Variants in ALG14 observed in about 807,000 individuals in gnomAD.
The protein encoded by ALG14 is ALG14 UDP-N-acetylglucosaminyltransferase subunit.
Under a neutral mutation model 22.8 loss-of-function variants are expected in ALG14, and 17 were observed. The ratio of observed to expected loss-of-function variants is 0.75; its 90% CI spans 0.51 to 1.12. The LOEUF (loss-of-function observed/expected upper bound fraction) is 1.12. Ranked by LOEUF, ALG14 falls within the 50% of genes most tolerant of loss-of-function variation. ALG14 has a pLI of 0.00. For missense variants in ALG14, 288 were observed against 271.8 expected, an observed-to-expected ratio of 1.06 and a Z score of -0.42; for synonymous variants, 89 against 103.7, an observed-to-expected ratio of 0.86 and a Z score of 0.86.
Position 94,974,838 on chromosome 1 carries a change from G to A in ALG14, c.*8238C>T, listed in dbSNP as rs1672364380. ...AGCAAATCACAGGGCACAGAAGGGA[G>A]AGCTTTTCTCTCTTCCAAGGTGTCT... On this transcript the variant is annotated 3_prime_UTR_variant, in exon 4 of 4. Transcript: ENST00000370205. The A allele has an allele frequency of 2.0e-5, 3 of 152,214 alleles. No individual in the cohort carries two copies. In the South Asian group the frequency reaches 6.2e-4, roughly 32 times the overall value. The allele number at this position is 152,214 out of a possible 1,614,324, so 9.4% of individuals were successfully genotyped here. A position where few individuals can be genotyped will look rare whatever the true frequency, so the allele number is the denominator to read the frequency against.
rs768393843 is a variant in ALG14 at position 95,057,136 on chromosome 1, T to A, written c.288+7730A>T. The stretch of plus-strand genomic sequence containing the variant: ...AAGCAGGAAGAAAATGTATACCGTT[T>A]TATATATATATAAATAAATATATAT... On this transcript the variant is annotated intron_variant, in intron 2 of 3. Coordinates refer to ENST00000370205, the MANE Select transcript of ALG14 (RefSeq NM_144988.4). Among the ~76,000 whole-genome samples the A allele has an allele frequency of 2.7e-5, 4 of 150,738 alleles. 1 individual carries two copies. Among genetic ancestry groups the A allele is most frequent in the East Asian group, 4.0e-4 (2 of 5,006 alleles).
intron 1 of ALG14, 96 bp from the exon 2 acceptor site, chr1:95,065,113 T>G: frequency 1.9e-6 from 2 of 1,069,992 alleles, no homozygotes; most frequent in Admixed American, 3.0e-5. Flanking sequence ...AGGTTGGGGG[T>G]GGGGGGGCAC....
At chr1:95,070,293 C>A (rs1055188982) in intron 1 of ALG14, among the ~76,000 whole-genome samples, 3 of 152,190 alleles carry the variant, frequency 2.0e-5, no homozygotes, top group Non-Finnish European at 4.4e-5. Flanking sequence ...TAAAAACAGA[C>A]CATTTCCCTT....
intron 2 of ALG14, among the ~76,000 whole-genome samples, chr1:95,056,770 A>G (rs1327091484): frequency 2.6e-5 from 4 of 150,986 alleles, no homozygotes; most frequent in Admixed American, 2.6e-4. Context: ...TAAAATCTAA[A>G]ACTTCTGGCT....
At chr1:95,025,772 A>C (rs1009309145) in intron 3 of ALG14, among the ~76,000 whole-genome samples, 2 of 152,188 alleles carry the variant, frequency 1.3e-5, no homozygotes, top group Non-Finnish European at 2.9e-5. Flanking sequence ...GACCTCTCTC[A>C]GTCTTTACAG....
intron 3 of ALG14, among the ~76,000 whole-genome samples, chr1:95,002,234 T>C (rs1571592201): frequency 6.6e-6 from 1 of 151,918 alleles, no homozygotes; most frequent in African/African-American, 2.4e-5. Flanking sequence ...GATAAAGCCC[T>C]GTAAGTACCT....
rs1673785988 is a variant in ALG14 at position 95,025,510 on chromosome 1, T to C, written c.420+1619A>G. On this transcript the variant is annotated intron_variant, in intron 3 of 3. Coordinates refer to ENST00000370205, the MANE Select transcript of ALG14 (RefSeq NM_144988.4). ...TCCCTTGAAGCTTTGAAGCCAGCTA[T>C]TGACTTCTCTTTAGCCACGAGAGTC... Among the ~76,000 whole-genome samples the C allele has an allele frequency of 2.0e-5, 3 of 152,252 alleles. No homozygotes were observed. The South Asian group carries it at 6.2e-4, about 32-fold the overall frequency.
chr1:95,061,501 G>A (rs1208603098), intron 2 of ALG14: 3 of 151,724 alleles, frequency 2.0e-5, no homozygotes, highest in African/African-American at 7.3e-5. Flanking sequence ...GAGAGAGAGA[G>A]TGTGCGTATG....
rs372334213 is a variant in ALG14 at position 95,040,616 on chromosome 1, G to A, written c.289-13356C>T. Among the ~76,000 whole-genome samples the A allele has an allele frequency of 2.3e-4, 35 of 152,296 alleles. No homozygotes were observed. In the South Asian group the frequency reaches 4.3e-3, roughly 19 times the overall value. ...CCTCCATTTGTACAAAAGGAAGGAC[G>A]TAGGGAATTCCAAAACAGGCCATGT... On this transcript the variant is annotated intron_variant, in intron 2 of 3. Transcript: ENST00000370205.
At chr1:95,059,326 C>A (rs573299580) in intron 2 of ALG14, among the ~76,000 whole-genome samples, 7 of 136,400 alleles carry the variant, frequency 5.1e-5, no homozygotes, top group Non-Finnish European at 1.1e-4. Flanking sequence ...GAACCCTGGG[C>A]GTTGGAGGTT....
rs1399938220 is a variant in ALG14, at chr1:94,981,838, A to G, written c.*1238T>C. The G allele has an allele frequency of 6.6e-6, 1 of 152,066 alleles. No individual in the cohort carries two copies. The highest frequency in any genetic ancestry group is 2.4e-5 in the African/African-American group (1 of 41,408). The allele number at this position is 152,066 out of a possible 1,614,324, so 9.4% of individuals were successfully genotyped here. On this transcript the variant is annotated 3_prime_UTR_variant, in exon 4 of 4. Coordinates refer to ENST00000370205, the MANE Select transcript of ALG14 (RefSeq NM_144988.4). ...CACCACTAGAAACACAGTCTCAAGC[A>G]GGACCAGCGAAAGAATTCAGAGGGT... is the stretch of plus-strand genomic sequence containing the variant.
Position 94,993,790 on chromosome 1 carries a change from TA to T in ALG14, c.421-10485del, listed in dbSNP as rs568216663. Among the ~76,000 whole-genome samples the T allele has an allele frequency of 3.8e-3, 577 of 152,326 alleles. 6 individuals are homozygous for T. Among genetic ancestry groups the T allele is most frequent in the Non-Finnish European group, 5.9e-3 (398 of 68,016 alleles). On this transcript the variant is annotated intron_variant, in intron 3 of 3. Coordinates refer to ENST00000370205, the MANE Select transcript of ALG14 (RefSeq NM_144988.4). ...GATTTTTGGGGTTTGGGCTAAGCTA[TA>T]AGCAGTGCAGACATCCAGACATCAG... is the stretch of plus-strand genomic sequence containing the variant.
At chr1:94,992,350 A>G (rs1672796056) in intron 3 of ALG14, among the ~76,000 whole-genome samples, 1 of 152,132 alleles carries the variant, frequency 6.6e-6, no homozygotes, top group Non-Finnish European at 1.5e-5. Context: ...TCTGTCATTG[A>G]CTGAAAAGCA....
At chr1:94,993,870 G>A (rs1203894861) in intron 3 of ALG14, among the ~76,000 whole-genome samples, 1 of 152,178 alleles carries the variant, frequency 6.6e-6, no homozygotes, top group Non-Finnish European at 1.5e-5. Flanking sequence ...TTCAGTGCAT[G>A]TCAGTAGCAT....
chr1:95,044,476 C>T (rs1470998562), intron 2 of ALG14, among the ~76,000 whole-genome samples: 1 of 152,186 alleles, frequency 6.6e-6, no homozygotes, highest in Non-Finnish European at 1.5e-5. Flanking sequence ...TCACTCTCCT[C>T]CAGGGACCAG....
intron 3 of ALG14, among the ~76,000 whole-genome samples, chr1:95,022,818 A>T (rs576815382): frequency 6.6e-6 from 1 of 152,316 alleles, no homozygotes; most frequent in East Asian, 1.9e-4. Context: ...TCCTTTGAAC[A>T]TGTTATAAAG....
chr1:95,070,589 G>A (rs1216811453), intron 1 of ALG14, among the ~76,000 whole-genome samples: 1 of 152,290 alleles, frequency 6.6e-6, no homozygotes, highest in East Asian at 1.9e-4. Context: ...GTATAGGTTT[G>A]CTCCCCAGAC....
rs1263004456 is a variant in ALG14 at position 94,976,361 on chromosome 1, C to CA, written c.*6714dup. The CA allele has an allele frequency of 3.3e-5, 5 of 151,992 alleles. No individual in the cohort carries two copies. The highest frequency in any genetic ancestry group is 1.2e-4 in the African/African-American group (5 of 41,388). 9.4% of individuals were successfully genotyped at this position (151,992 alleles called of 1,614,324 possible). On this transcript the variant is annotated 3_prime_UTR_variant, in exon 4 of 4. Coordinates refer to ENST00000370205, the MANE Select transcript of ALG14 (RefSeq NM_144988.4). ...TTATTATTATTTTTTCAAAACAAAA[C>CA]AAAAAACATCTAGCTGATTGTGGTT...
intron 2 of ALG14, among the ~76,000 whole-genome samples, chr1:95,047,621 G>A (rs1399107288): frequency 6.6e-6 from 1 of 152,174 alleles, no homozygotes; most frequent in Admixed American, 6.5e-5. Flanking sequence ...TGGGATTACA[G>A]GTGTGAGCCA....
Sources: allele counts gnomAD v4.1 joint callset (sites outside exome capture counted in the v4.1 genomes callset), GRCh38; gene constraint gnomAD v4.1.1; transcripts MANE v1.5; gene names NCBI Gene and HGNC (gene_info 2026-07-23, HGNC 2026-07-21).